The following FER variants were observed in gnomAD, a reference collection of about 807,000 sequenced individuals.
FER encodes the protein tyrosine-protein kinase Fer.
A neutral mutation model predicts 111.0 loss-of-function variants in FER; 63 were observed. The ratio of observed to expected loss-of-function variants is 0.57; its 90% confidence interval spans 0.46 to 0.70. FER has a LOEUF of 0.70. Ranked by LOEUF, FER falls within the 30% of genes least tolerant of loss-of-function variation. The pLI, the probability that FER is intolerant of heterozygous loss-of-function variation, is 0.00. For missense variants in FER, 914 were observed against 954.0 expected (o/e 0.96, Z 0.55); for synonymous variants, 327 against 313.9 (o/e 1.04, Z -0.44).
rs1360241765 is a variant in FER, at chr5:109,195,390, T to A, written c.*7815T>A. On this transcript the variant is annotated 3_prime_UTR_variant, in exon 20 of 20. Coordinates refer to ENST00000281092, the MANE Select transcript of FER (RefSeq NM_005246.4). ...CCTTAGATTCTAGACCTCTCATACC[T>A]GCAGTGTACAGAATATGTACATGTT... 1.3e-5 allele frequency: 2 copies of A among 152,190 alleles called. No homozygotes were observed. Among genetic ancestry groups the A allele is most frequent in the Admixed American group, 1.3e-4 (2 of 15,270 alleles). 9.4% of individuals were successfully genotyped at this position (152,190 alleles called of 1,614,324 possible).
At chr5:109,058,724 CTTTTTTTTTTTTT>C (rs746184286) in intron 16 of FER, among the ~76,000 whole-genome samples, 60 of 76,252 alleles carry the variant, frequency 7.9e-4, no homozygotes, top group African/African-American at 3.3e-3. Context: ...TTCTTTCTTT[CTTTTTTTTTTTTT>C]TTTTTTTTTT....
intron 18 of FER, among the ~76,000 whole-genome samples, chr5:109,184,253 G>A (rs1041221635): frequency 6.6e-6 from 1 of 152,174 alleles, no homozygotes; most frequent in South Asian, 2.1e-4. Context: ...ACTGTGAAAT[G>A]GGAGGGAGGC....
At chr5:108,810,064 T>A in intron 3 of FER, among the ~76,000 whole-genome samples, 1 of 148,714 alleles carries the variant, frequency 6.7e-6, no homozygotes, top group Non-Finnish European at 1.5e-5. Flanking sequence ...GGAATTTTTC[T>A]TTTTTCTTTC....
At chr5:108,851,821 C>T (rs748488038) in intron 5 of FER, among the ~76,000 whole-genome samples, 2 of 152,084 alleles carry the variant, frequency 1.3e-5, no homozygotes, top group Non-Finnish European at 2.9e-5. Flanking sequence ...GTTTACCAAG[C>T]CTCAAAATAC....
At chr5:108,944,741 T>C (rs937171789) in intron 10 of FER, among the ~76,000 whole-genome samples, 8 of 152,104 alleles carry the variant, frequency 5.3e-5, no homozygotes, top group East Asian at 1.9e-4. Context: ...TTGGCATGTT[T>C]TATTAACCCT....
intron 10 of FER, among the ~76,000 whole-genome samples, chr5:108,908,551 C>T (rs1751105627): frequency 6.6e-6 from 1 of 151,922 alleles, no homozygotes; most frequent in Admixed American, 6.6e-5. Flanking sequence ...AAAGTCATTC[C>T]AGCCTATACA....
intron 1 of FER, among the ~76,000 whole-genome samples, chr5:108,758,989 A>G (rs183635138): frequency 1.2e-4 from 19 of 152,324 alleles, no homozygotes; most frequent in South Asian, 1.2e-3. Context: ...CCCTCAAGAA[A>G]AGAAGACAAC....
At chr5:108,909,540 CTTCTA>C (rs1174275572) in intron 10 of FER, among the ~76,000 whole-genome samples, 3 of 152,066 alleles carry the variant, frequency 2.0e-5, no homozygotes, top group Non-Finnish European at 4.4e-5. Flanking sequence ...ATCAGTTACA[CTTCTA>C]TTCTATATTT....
intron 2 of FER, among the ~76,000 whole-genome samples, chr5:108,777,837 AC>A (rs1231758228): frequency 6.6e-6 from 1 of 152,140 alleles, no homozygotes; most frequent in Admixed American, 6.5e-5. Flanking sequence ...CATTTTTAAA[AC>A]CATCAGATCT....
intron 5 of FER, chr5:108,841,939 T>C (rs1761313883): frequency 5.7e-6 from 1 of 175,398 alleles, no homozygotes; most frequent in Non-Finnish European, 1.2e-5. Context: ...AGGTCCTTTT[T>C]TGAAAATCAA....
chr5:108,973,662 A>G (rs1421466781), intron 13 of FER, among the ~76,000 whole-genome samples: 1 of 152,168 alleles, frequency 6.6e-6, no homozygotes, highest in African/African-American at 2.4e-5. Flanking sequence ...AGCAAAAATC[A>G]GTTACAATTT....
At chr5:108,796,686 C>T (rs578028584) in intron 2 of FER, among the ~76,000 whole-genome samples, 23 of 152,092 alleles carry the variant, frequency 1.5e-4, no homozygotes, top group Non-Finnish European at 3.2e-4. Context: ...TGCCAGGCTA[C>T]TGCTGATGTT....
chr5:109,081,030 G>T (rs1418373867), intron 16 of FER, among the ~76,000 whole-genome samples: 1 of 152,042 alleles, frequency 6.6e-6, no homozygotes, highest in East Asian at 1.9e-4. Flanking sequence ...TGGTTAAATA[G>T]TCTCCACAGT....
At chr5:109,021,896 A>G (rs1004066838) in intron 13 of FER, among the ~76,000 whole-genome samples, 1 of 152,140 alleles carries the variant, frequency 6.6e-6, no homozygotes, top group Non-Finnish European at 1.5e-5. Flanking sequence ...TGCAAGACAG[A>G]TAAAGCCCCT....
In FER at chr5:108,956,595, A is replaced by G. The variant is rs148974478; in HGVS notation, c.1533+1663A>G. ...ATAAGAGGTTACGAGTTCACATTTG[A>G]TAGTTTTATCTGGTTTCCTTCTGTC... On this transcript the variant is annotated intron_variant, in intron 12 of 19. Transcript: ENST00000281092. Among the ~76,000 whole-genome samples, 298 of 151,688 alleles carry G rather than the reference A, an allele frequency of 2.0e-3. 1 individual carries two copies. The highest frequency in any genetic ancestry group is 6.8e-3 in the African/African-American group (283 of 41,506).
At chr5:108,940,506 C>T (rs757993067) in intron 10 of FER, among the ~76,000 whole-genome samples, 8 of 151,984 alleles carry the variant, frequency 5.3e-5, no homozygotes, top group Non-Finnish European at 7.4e-5. Flanking sequence ...CCTAAATGAA[C>T]CTACATCCAG....
rs562494039 is a variant in FER, at chr5:109,145,525, C to A, written c.2049-35222C>A. Among the ~76,000 whole-genome samples the A allele has an allele frequency of 4.6e-5, 7 of 152,134 alleles. No homozygotes were observed. The South Asian group carries it at 1.5e-3, about 32-fold the overall frequency. On this transcript the variant is annotated intron_variant, in intron 17 of 19. Transcript: ENST00000281092. Reference sequence around the variant, plus strand: ...TAATTTGCTCCCCCAACCCCCGCAACTTTTCTCCCCTCTGTTTAAATTACT... The same window carrying A: ...TAATTTGCTCCCCCAACCCCCGCAAATTTTCTCCCCTCTGTTTAAATTACT...
intron 5 of FER, among the ~76,000 whole-genome samples, chr5:108,847,070 T>C (rs576256650): frequency 1.3e-5 from 2 of 151,842 alleles, no homozygotes; most frequent in East Asian, 3.9e-4. Flanking sequence ...TTTTCTGTTT[T>C]TCTTAATGTG....
At chr5:109,022,126 A>G (rs1306131585) in intron 13 of FER, among the ~76,000 whole-genome samples, 7 of 152,212 alleles carry the variant, frequency 4.6e-5, no homozygotes, top group Admixed American at 6.6e-5. Context: ...ATGTGCCCAT[A>G]TACAGTCCAT....
Sources: gnomAD v4.1 joint callset for allele counts (sites outside exome capture counted in the v4.1 genomes callset) on GRCh38, gnomAD v4.1.1 for gene constraint, MANE v1.5 for transcripts, NCBI Gene and HGNC (gene_info 2026-07-23, HGNC 2026-07-21) for gene names.